Variants in PHKA2 observed in about 807,000 individuals in gnomAD.
The protein encoded by PHKA2 is phosphorylase kinase regulatory subunit alpha 2.
A neutral mutation model predicts 102.0 loss-of-function variants in PHKA2; 31 were observed. The observed-to-expected ratio is 0.30, with a 90% confidence interval of 0.23 to 0.41. PHKA2 has a LOEUF of 0.41. Ranked by LOEUF, PHKA2 falls within the 10% of genes least tolerant of loss-of-function variation. The pLI is 1.00. For missense variants in PHKA2, 858 were observed against 1,023.1 expected (o/e 0.84, Z 2.20); for synonymous variants, 455 against 416.2 (o/e 1.09, Z -1.13).
At chrX:18,943,359 G>C (rs1312084190) in intron 7 of PHKA2, among the ~76,000 whole-genome samples, 3 of 111,770 alleles carry the variant, frequency 2.7e-5, no homozygotes, top group Non-Finnish European at 5.6e-5. Flanking sequence ...TTCAATTTGG[G>C]GGCACTGTGA....
intron 19 of PHKA2, among the ~76,000 whole-genome samples, chrX:18,917,432 T>C (rs1384512601): frequency 9.2e-6 from 1 of 109,109 alleles, no homozygotes; most frequent in Non-Finnish European, 1.9e-5. Flanking sequence ...CTCATTTCTG[T>C]ATTTTTAGTA....
intron 1 of PHKA2, among the ~76,000 whole-genome samples, chrX:18,972,680 T>C (rs1159437319): frequency 8.9e-6 from 1 of 112,329 alleles, no homozygotes; most frequent in African/African-American, 3.2e-5. Context: ...TGTTTGTGGC[T>C]GCCATAAAGG....
At chrX:18,926,818 T>C (rs1050060535) in intron 13 of PHKA2, among the ~76,000 whole-genome samples, 2 of 111,752 alleles carry the variant, frequency 1.8e-5, no homozygotes, top group African/African-American at 3.3e-5. Flanking sequence ...TTGTGCAAGA[T>C]AGTCTGATAG....
intron 9 of PHKA2, 35 bp downstream of exon 9, chrX:18,939,960 T>G: frequency 1.0e-6 from 1 of 977,669 alleles, no homozygotes; most frequent in Non-Finnish European, 1.5e-6. Flanking sequence ...GATGAAACAG[T>G]TGAGGAAAGA....
At chrX:18,917,061 G>C (rs1362413125) in intron 19 of PHKA2, among the ~76,000 whole-genome samples, 3 of 108,185 alleles carry the variant, frequency 2.8e-5, no homozygotes, top group African/African-American at 6.8e-5. Context: ...TTTTTGTAGA[G>C]ACAGGGCCTC....
In PHKA2 at chrX:18,924,514, C is replaced by T; in HGVS notation, c.1581G>A (p.Gln527=). The change falls in exon 16 of 33, where the codon CAG becomes CAA. Residue 527 remains glutamine, a synonymous_variant. Transcript: ENST00000379942. ...TGTCGAGGGCCAGGTAGAAGTGATGCTGGTCGGTGAACTGAAAGTCAGAGG... is the reference window on the plus strand; with the variant it reads ...TGTCGAGGGCCAGGTAGAAGTGATGTTGGTCGGTGAACTGAAAGTCAGAGG... ...IFTFTPQFTD[Q]HHFYLALDNE... 8.3e-7 allele frequency: 1 copy of T among 1,211,186 alleles called. No homozygotes were observed. Among genetic ancestry groups the T allele is most frequent in the East Asian group, 3.0e-5 (1 of 33,842 alleles).
chrX:18,960,777 A>G (rs1312357202), intron 1 of PHKA2, among the ~76,000 whole-genome samples: 1 of 112,268 alleles, frequency 8.9e-6, no homozygotes, highest in Non-Finnish European at 1.9e-5. Flanking sequence ...GAGAAGAAAG[A>G]CACAGCGAAC....
At chrX:18,926,381 TC>T in intron 14 of PHKA2, 71 bp downstream of exon 14, 1 of 834,243 alleles carries the variant, frequency 1.2e-6, no homozygotes. Context: ...TATCACAGTC[TC>T]CCTCAGACCC....
rs16980929 is a variant in PHKA2 at position 18,929,306 on chromosome X, C to T, written c.1246G>A (p.Gly416Arg). The T allele has an allele frequency of 9.1e-4, 1,039 of 1,137,319 alleles. 5 individuals carry two copies. In the African/African-American group the frequency reaches 0.016, roughly 18 times the overall value. The allele number at this position is 1,137,319 out of a possible 1,213,427, so 93.7% of individuals were successfully genotyped here. A position where few individuals can be genotyped will look rare whatever the true frequency, so the allele number is the denominator to read the frequency against. The change falls in exon 13 of 33, where the codon GGA (glycine) becomes AGA (arginine). Residue 416 changes from glycine to arginine, a missense_variant and splice_region_variant. By Grantham distance (125) the Gly-to-Arg change is moderately radical (BLOSUM62 -2). Around this residue, in one of 2 missense-constraint regions of PHKA2, gnomAD observed 671 missense variants for 745.2 expected, o/e 0.90. Coordinates refer to ENST00000379942, the MANE Select transcript of PHKA2 (RefSeq NM_000292.3). Reference sequence around the variant, plus strand: ...TCGATTTCACCAGCGGCAAGGAATCCCTATGAAAAGAGGAGCATTAACACT... The same window carrying T: ...TCGATTTCACCAGCGGCAAGGAATCTCTATGAAAAGAGGAGCATTAACACT... ...LYILSSLLAE[G>R]FLAAGEIDPL...
intron 1 of PHKA2, among the ~76,000 whole-genome samples, chrX:18,958,578 T>C (rs898312290): frequency 3.6e-5 from 4 of 110,539 alleles, no homozygotes; most frequent in Admixed American, 9.7e-5. Flanking sequence ...CTCATCACCA[T>C]TTTTATTTTT....
At chrX:18,928,702 G>A (rs1396131083) in intron 13 of PHKA2, among the ~76,000 whole-genome samples, 1 of 112,664 alleles carries the variant, frequency 8.9e-6, no homozygotes, top group East Asian at 2.8e-4. Flanking sequence ...CCCAGTCAGG[G>A]AGCTCAAGTC....
chrX:18,905,147 C>T (rs1206070536), intron 26 of PHKA2, among the ~76,000 whole-genome samples: 1 of 111,751 alleles, frequency 8.9e-6, no homozygotes, highest in African/African-American at 3.3e-5. Context: ...ACAGCCCTTT[C>T]ACCCTGGCAT....
At chrX:18,939,712 C>T (rs1192877969) in intron 9 of PHKA2, among the ~76,000 whole-genome samples, 6 of 111,553 alleles carry the variant, frequency 5.4e-5, no homozygotes, top group African/African-American at 2.0e-4. Context: ...CCGGGATGGT[C>T]TCGATCTCCT....
At chrX:18,895,846 T>G in intron 30 of PHKA2, 1 of 117,617 alleles carries the variant, frequency 8.5e-6, no homozygotes, top group Non-Finnish European at 1.8e-5. Context: ...GCCTGGAGCG[T>G]CCCCAGTGGG....
intron 2 of PHKA2, 69 bp downstream of exon 2, chrX:18,954,185 C>T (rs1237660117): frequency 9.2e-7 from 1 of 1,085,664 alleles, no homozygotes; most frequent in Non-Finnish European, 1.3e-6. Context: ...ACAGCTACTT[C>T]TCTGTGGGTT....
intron 17 of PHKA2, among the ~76,000 whole-genome samples, chrX:18,921,274 C>CA (rs1264154514): frequency 1.8e-5 from 2 of 111,104 alleles, no homozygotes; most frequent in African/African-American, 6.5e-5. Flanking sequence ...ACTAAAAATA[C>CA]AAAAATTAGC....
At chrX:18,897,996 C>T (rs2047606084) in intron 29 of PHKA2, 1 of 113,284 alleles carries the variant, frequency 8.8e-6, no homozygotes, top group Non-Finnish European at 1.9e-5. Context: ...AGAGAAGTGA[C>T]AGACACGTTT....
intron 19 of PHKA2, among the ~76,000 whole-genome samples, chrX:18,918,039 C>A (rs781426125): frequency 9.0e-6 from 1 of 110,890 alleles, no homozygotes; most frequent in East Asian, 2.8e-4. Flanking sequence ...AGGAGACAAG[C>A]CAGGGAAACT....
At chrX:18,911,036 C>T in intron 19 of PHKA2, 76 bp from the exon 20 acceptor site, 1 of 624,903 alleles carries the variant, frequency 1.6e-6, no homozygotes, top group Non-Finnish European at 2.5e-6. Context: ...GACAGAATCT[C>T]ACTCTGTCAC....
Sources: gnomAD v4.1 joint callset for allele counts (sites outside exome capture counted in the v4.1 genomes callset) on GRCh38, gnomAD v4.1.1 for gene constraint, gnomAD v4.1.1 regional missense constraint, MANE v1.5 for transcripts, NCBI Gene and HGNC (gene_info 2026-07-23, HGNC 2026-07-21) for gene names.